Variants in TRIM35 observed in about 807,000 individuals in gnomAD.
TRIM35 encodes E3 ubiquitin-protein ligase TRIM35.
Under a neutral mutation model 49.1 loss-of-function variants are expected in TRIM35, and 37 were observed. The ratio of observed to expected loss-of-function variants is 0.75; its 90% CI spans 0.58 to 0.99. TRIM35 has a LOEUF of 0.99. Among genes scored for constraint, TRIM35 ranks in the 50% least tolerant of loss-of-function variants. The pLI is 0.00. For synonymous variants in TRIM35, 302 were observed against 289.3 expected (o/e 1.04, Z -0.45); for missense variants, 648 against 702.7 (o/e 0.92, Z 0.88).
At chr8:27,305,213 G>A (rs1802759556) in intron 1 of TRIM35, among the ~76,000 whole-genome samples, 1 of 152,230 alleles carries the variant, frequency 6.6e-6, no homozygotes, top group Non-Finnish European at 1.5e-5. Flanking sequence ...TAACCTAACT[G>A]TCCTGCTGGA....
chr8:27,294,198 T>A lies in TRIM35; in HGVS notation c.644A>T (p.Gln215Leu). The change falls in exon 3 of 6, where the codon CAG becomes CTG. Residue 215 changes from glutamine (Q) to leucine (L), a missense_variant. Coordinates refer to ENST00000305364, the MANE Select transcript of TRIM35 (RefSeq NM_171982.5). Reference sequence around the variant, plus strand: ...CTTCTCGTCGGCCAGAAGTTGCTTCTGCCTTGTCTCCTCGGCCATGGCATC... The same window carrying A: ...CTTCTCGTCGGCCAGAAGTTGCTTCAGCCTTGTCTCCTCGGCCATGGCATC... ...ILDAMAEETR[Q>L]KQLLADEKMK... The A allele has an allele frequency of 6.2e-7, 1 of 1,614,240 alleles. No individual in the cohort carries two copies. Among genetic ancestry groups the A allele is most frequent in the East Asian group, 2.2e-5 (1 of 44,874 alleles).
At chr8:27,292,184 T>C (rs542352854) in intron 3 of TRIM35, among the ~76,000 whole-genome samples, 1 of 152,384 alleles carries the variant, frequency 6.6e-6, no homozygotes, top group Admixed American at 6.5e-5. Flanking sequence ...TGTTTTTTAC[T>C]GTACTTTTTC....
At chr8:27,293,139 C>T (rs984117190) in intron 3 of TRIM35, among the ~76,000 whole-genome samples, 17 of 152,008 alleles carry the variant, frequency 1.1e-4, no homozygotes, top group African/African-American at 4.1e-4. Flanking sequence ...AAAGGACCCA[C>T]CCAGGAGATG....
intron 3 of TRIM35, among the ~76,000 whole-genome samples, chr8:27,291,458 T>C (rs565368485): frequency 6.6e-6 from 1 of 152,320 alleles, no homozygotes; most frequent in East Asian, 1.9e-4. Flanking sequence ...GATGGGAATA[T>C]AAAATGATAC....
chr8:27,309,701 G>A (rs904948914), intron 1 of TRIM35, among the ~76,000 whole-genome samples: 6 of 152,120 alleles, frequency 3.9e-5, no homozygotes, highest in African/African-American at 9.7e-5. Flanking sequence ...AAGTAACAGA[G>A]GCCAGGCGGA....
At chr8:27,292,175 G>T (rs1222437670) in intron 3 of TRIM35, among the ~76,000 whole-genome samples, 2 of 152,198 alleles carry the variant, frequency 1.3e-5, no homozygotes, top group African/African-American at 4.8e-5. Flanking sequence ...TTATATCACT[G>T]TTTTTTACTG....
At chr8:27,288,208 C>G (rs528632891) in intron 5 of TRIM35, 81 bp from the exon 6 acceptor site, 26 of 1,350,872 alleles carry the variant, frequency 1.9e-5, no homozygotes, top group Non-Finnish European at 2.6e-5. Context: ...CCCCACAAAC[C>G]AACCACTGTG....
Position 27,288,009 on chromosome 8 carries a change from C to T in TRIM35, c.1023G>A (p.Ser341=), listed in dbSNP as rs560950641. The T allele has an allele frequency of 1.7e-5, 28 of 1,613,604 alleles. No homozygotes were observed. The highest frequency in any genetic ancestry group is 4.5e-5 in the East Asian group (2 of 44,864). Residue 341 remains serine (S), a synonymous_variant, in exon 6 of 6, where the codon TCG becomes TCA. Transcript: ENST00000305364. The part of the protein sequence containing the change: ...VQVENPERFS[S]APCLLGSRVF... ...CACGGGAGCCCAGCAGGCAGGGCGCCGAGGAGAAGCGTTCCGGGTTCTCCA... is the reference window on the plus strand; with the variant it reads ...CACGGGAGCCCAGCAGGCAGGGCGCTGAGGAGAAGCGTTCCGGGTTCTCCA...
At chr8:27,289,331 G>A in intron 4 of TRIM35, 51 bp from the exon 5 acceptor site, 2 of 1,460,308 alleles carry the variant, frequency 1.4e-6, no homozygotes, top group Non-Finnish European at 1.9e-6. Context: ...ATGCAACCTG[G>A]GCCGAACTGG....
At chr8:27,301,119 G>A (rs1372674726) in intron 1 of TRIM35, among the ~76,000 whole-genome samples, 2 of 152,214 alleles carry the variant, frequency 1.3e-5, no homozygotes. Context: ...GTCAGCTGAT[G>A]AGACTAACCA....
At chr8:27,306,383 T>C (rs1050425664) in intron 1 of TRIM35, among the ~76,000 whole-genome samples, 40 of 150,892 alleles carry the variant, frequency 2.7e-4, no homozygotes, top group African/African-American at 8.5e-4. Context: ...TGGAGGGCAG[T>C]GGCACGATCT....
At chr8:27,289,043 G>C (rs930273683) in intron 5 of TRIM35, 119 bp downstream of exon 5, 2 of 730,470 alleles carry the variant, frequency 2.7e-6, no homozygotes, top group Non-Finnish European at 4.7e-6. Context: ...TCAGCTGAGA[G>C]AGGAGGGGAG....
intron 2 of TRIM35, among the ~76,000 whole-genome samples, chr8:27,297,115 C>T (rs1223815430): frequency 6.6e-6 from 1 of 152,182 alleles, no homozygotes; most frequent in Admixed American, 6.5e-5. Flanking sequence ...TCACATAATC[C>T]TTTCTTCCAC....
In TRIM35 at chr8:27,287,827, G is replaced by A. The variant is rs146964532; in HGVS notation, c.1205C>T (p.Thr402Met). The part of the protein sequence containing the change: ...TRSGFWYVCR[T>M]QGVEGDHCVT... ...GCAGTGGTCCCCCTCCACGCCCTGC[G>A]TGCGGCAGACATACCAGAAGCCCGA... The change falls in exon 6 of 6, where the codon ACG becomes ATG. Residue 402 changes from threonine (T) to methionine (M), a missense_variant. Coordinates refer to ENST00000305364, the MANE Select transcript of TRIM35 (RefSeq NM_171982.5). The surrounding 1 kb of genome is among the most constrained non-coding windows in gnomAD (Gnocchi z 6.0). The A allele has an allele frequency of 2.2e-5, 35 of 1,611,950 alleles. No individual in the cohort carries two copies. The highest frequency in any genetic ancestry group is 4.0e-5 in the African/African-American group (3 of 74,898).
In TRIM35 at chr8:27,286,142, G is replaced by GA. The variant is rs752293106; in HGVS notation, c.*1407dup. ...ACCCAGATTTTAACACTGCTCCTAG[G>GA]AAAAAAAAATATTTCCTTTTATGAT... On this transcript the variant is annotated 3_prime_UTR_variant, in exon 6 of 6. Transcript: ENST00000305364. 9.5e-5 allele frequency: 43 copies of GA among 453,238 alleles called. No homozygotes were observed. The East Asian group carries it at 2.2e-3, about 23-fold the overall frequency. 28.1% of individuals were successfully genotyped at this position (453,238 alleles called of 1,614,324 possible). A position where few individuals can be genotyped will look rare whatever the true frequency, so the allele number is the denominator to read the frequency against.
At chr8:27,305,263 G>A (rs1322870303) in intron 1 of TRIM35, among the ~76,000 whole-genome samples, 1 of 152,196 alleles carries the variant, frequency 6.6e-6, no homozygotes, top group African/African-American at 2.4e-5. Flanking sequence ...AAAATGCATG[G>A]AGCTTTCTTA....
intron 1 of TRIM35, among the ~76,000 whole-genome samples, chr8:27,306,556 C>T (rs1035532595): frequency 6.6e-6 from 1 of 152,004 alleles, no homozygotes; most frequent in Non-Finnish European, 1.5e-5. Context: ...GAACTCCTGA[C>T]CTCGTGATCT....
rs1376043337 is a variant in TRIM35, at chr8:27,310,962, AGC to A, written c.272_273del (p.Arg91LeufsTer79). 1 of 1,612,388 alleles carries A rather than the reference AGC, an allele frequency of 6.2e-7. No homozygotes were observed. The highest frequency in any genetic ancestry group is 1.3e-5 in the African/African-American group (1 of 74,898). On this transcript the variant is annotated frameshift_variant, in exon 1 of 6. Transcript: ENST00000305364. LOFTEE classifies it high-confidence loss of function. The stretch of plus-strand genomic sequence containing the variant: ...ACACGCGAGAAGCGGTAGCTGGTCC[AGC>A]GCGCGCCCTCGGCCTCCTCGCGCAG... ...KLLREEAEGA[R>X]WTSYRFSRVC...
intron 1 of TRIM35, among the ~76,000 whole-genome samples, chr8:27,309,437 A>AT (rs1563447197): frequency 6.6e-6 from 1 of 152,162 alleles, no homozygotes; most frequent in Non-Finnish European, 1.5e-5. Flanking sequence ...GCATCCTTAC[A>AT]TTCCCCTTCA....
Sources: gnomAD v4.1 joint callset for allele counts (sites outside exome capture counted in the v4.1 genomes callset) on GRCh38, gnomAD v4.1.1 for gene constraint, Gnocchi (gnomAD v3.1) non-coding constraint, MANE v1.5 for transcripts, NCBI Gene and HGNC (gene_info 2026-07-23, HGNC 2026-07-21) for gene names.